GPR39: variants seen among roughly 807,000 people sequenced by gnomAD.
GPR39 encodes the protein zinc sensing receptor.
A neutral mutation model predicts 18.4 loss-of-function variants in GPR39; 23 were observed. The ratio of observed to expected loss-of-function variants is 1.25; its 90% CI spans 0.90 to 1.77. The LOEUF is 1.77. GPR39 is among the 40% of genes most tolerant of loss of function. The pLI is 0.00. For synonymous variants in GPR39, 280 were observed against 257.9 expected (o/e 1.09, Z -0.82); for missense variants, 647 against 602.4 (o/e 1.07, Z -0.78).
chr2:132,585,341 C>T lies in GPR39; in HGVS notation c.857-59760C>T, dbSNP rs144412017. 5.3e-3 allele frequency among the ~76,000 whole-genome samples: 808 copies of T among 152,282 alleles called. 3 individuals are homozygous for T. The highest frequency in any genetic ancestry group is 0.012 in the South Asian group (58 of 4,818). On this transcript the variant is annotated intron_variant, in intron 1 of 1. Coordinates refer to ENST00000329321, the MANE Select transcript of GPR39 (RefSeq NM_001508.3). ...CCCCTATTCTAGCTTCTGGACTCTC[C>T]TCAGGTCCTTGGAGAAGAGTCACCT...
intron 1 of GPR39, among the ~76,000 whole-genome samples, chr2:132,438,546 G>T (rs1680373712): frequency 7.2e-6 from 1 of 139,494 alleles, no homozygotes; most frequent in African/African-American, 2.7e-5. Context: ...TTTCTATATA[G>T]CTCATGATAC....
chr2:132,450,334 C>T (rs1390857005), intron 1 of GPR39, among the ~76,000 whole-genome samples: 1 of 152,254 alleles, frequency 6.6e-6, no homozygotes, highest in Non-Finnish European at 1.5e-5. Context: ...AGCTCCTCTC[C>T]TGGCTGTGCT....
chr2:132,612,448 G>T (rs766461410), intron 1 of GPR39, among the ~76,000 whole-genome samples: 1 of 152,122 alleles, frequency 6.6e-6, no homozygotes, highest in Non-Finnish European at 1.5e-5. Flanking sequence ...GCAAGACCAC[G>T]TTCTATGCTT....
intron 1 of GPR39, among the ~76,000 whole-genome samples, chr2:132,554,415 T>C (rs1273169206): frequency 6.6e-6 from 1 of 152,218 alleles, no homozygotes; most frequent in Non-Finnish European, 1.5e-5. Flanking sequence ...ATCTCACTTA[T>C]CTGCTTCAAA....
At chr2:132,617,977 G>T (rs551042131) in intron 1 of GPR39, among the ~76,000 whole-genome samples, 5 of 152,276 alleles carry the variant, frequency 3.3e-5, no homozygotes, top group Non-Finnish European at 7.4e-5. Context: ...TTGCTTCCCT[G>T]ATCTCCCTTT....
chr2:132,614,631 A>G (rs1171470525), intron 1 of GPR39, among the ~76,000 whole-genome samples: 1 of 151,284 alleles, frequency 6.6e-6, no homozygotes, highest in Non-Finnish European at 1.5e-5. Context: ...GCTCACTGCA[A>G]CCTCCACCTC....
intron 1 of GPR39, among the ~76,000 whole-genome samples, chr2:132,458,604 C>T (rs1680778315): frequency 6.6e-6 from 1 of 151,664 alleles, no homozygotes; most frequent in African/African-American, 2.4e-5. Flanking sequence ...TTTGCCATTA[C>T]TTTTCATATT....
chr2:132,523,884 A>G (rs1470386734), intron 1 of GPR39: 1 of 152,756 alleles, frequency 6.5e-6, no homozygotes, highest in African/African-American at 2.4e-5. Context: ...TGGAGTGCTC[A>G]GAACCTGGGG....
chr2:132,492,952 CACCATATATATACACCATATAT>C lies in GPR39; in HGVS notation c.856+75057_856+75078del, dbSNP rs1199392017. Reference sequence around the variant, plus strand: ...ACACCATATATACACACCATATATACACCATATATATACACCATATATACACCATATATACACCATAGATATA... The same window carrying C: ...ACACCATATATACACACCATATATACACACCATATATACACCATAGATATA... On this transcript the variant is annotated intron_variant, in intron 1 of 1. Transcript: ENST00000329321. 1.8e-3 allele frequency among the ~76,000 whole-genome samples: 252 copies of C among 142,238 alleles called. 1 individual carries two copies. Among genetic ancestry groups the C allele is most frequent in the African/African-American group, 6.1e-3 (239 of 38,984 alleles). 93.3% of individuals were successfully genotyped at this position (142,238 alleles called of 152,430 possible).
At chr2:132,417,932 CT>C in intron 1 of GPR39, 34 bp downstream of exon 1, 1 of 1,537,670 alleles carries the variant, frequency 6.5e-7, no homozygotes, top group Non-Finnish European at 8.7e-7. Flanking sequence ...ACGTGAGCAG[CT>C]TCCCAACCTT....
At position 132,645,271 on chromosome 2, in the gene GPR39, C is replaced by A; in HGVS notation, c.1027C>A (p.Leu343Met). Residue 343 changes from leucine to methionine, a missense_variant, in exon 2 of 2, where the codon CTG (leucine) becomes ATG (methionine). Transcript: ENST00000329321. ...CCTCAGCTCGGTCATCAACCCGCTC[C>A]TGTACACGGTGTCCTCGCAGCAGTT... ...FYLSSVINPLLYTVSSQQFRR... is the reference protein window; with the variant it reads ...FYLSSVINPLMYTVSSQQFRR... 6.2e-7 allele frequency: 1 copy of A among 1,614,228 alleles called. No homozygotes were observed.
At chr2:132,440,307 G>A (rs373208660) in intron 1 of GPR39, among the ~76,000 whole-genome samples, 2 of 152,250 alleles carry the variant, frequency 1.3e-5, no homozygotes, top group East Asian at 1.9e-4. Context: ...ACCATCTCTC[G>A]CCTGCCCTCA....
At chr2:132,452,902 C>G (rs545597121) in intron 1 of GPR39, among the ~76,000 whole-genome samples, 1 of 152,176 alleles carries the variant, frequency 6.6e-6, no homozygotes, top group Admixed American at 6.5e-5. Context: ...TGTGTTGGTT[C>G]TAAGTCTTTG....
intron 1 of GPR39, among the ~76,000 whole-genome samples, chr2:132,540,625 G>T (rs577035007): frequency 2.5e-4 from 38 of 152,228 alleles, no homozygotes; most frequent in Middle Eastern, 3.4e-3. Context: ...TTTTATTTCT[G>T]CATGTTAAAA....
intron 1 of GPR39, among the ~76,000 whole-genome samples, chr2:132,526,141 A>T (rs1389892287): frequency 2.0e-5 from 3 of 152,184 alleles, no homozygotes; most frequent in Admixed American, 6.5e-5. Flanking sequence ...TGAGTGTGAA[A>T]ATCCATGCCT....
At chr2:132,592,432 A>C (rs746407157) in intron 1 of GPR39, among the ~76,000 whole-genome samples, 2 of 152,200 alleles carry the variant, frequency 1.3e-5, no homozygotes, top group African/African-American at 2.4e-5. Flanking sequence ...GGTTGAGCAG[A>C]GTCAGGGAGA....
Position 132,645,152 on chromosome 2 carries a change from G to C in GPR39, c.908G>C (p.Arg303Thr). Residue 303 changes from arginine to threonine, a missense_variant, in exon 2 of 2, where the codon AGG becomes ACG. By Grantham distance (71) the Arg-to-Thr change is moderately conservative (BLOSUM62 -1). Around this residue, in one of 3 missense-constraint regions of GPR39, gnomAD observed 581 missense variants for 506.8 expected, o/e 1.15. Coordinates refer to ENST00000329321, the MANE Select transcript of GPR39 (RefSeq NM_001508.3). ...AVCWMPNQIR[R>T]IMAAAKPKHD... ...TGCTGGATGCCCAACCAGATTCGGA[G>C]GATCATGGCTGCGGCCAAACCCAAG... is the stretch of plus-strand genomic sequence containing the variant. 1 of 1,614,182 alleles carries C rather than the reference G, an allele frequency of 6.2e-7. No homozygotes were observed. Among genetic ancestry groups the C allele is most frequent in the East Asian group, 2.2e-5 (1 of 44,876 alleles).
intron 1 of GPR39, among the ~76,000 whole-genome samples, chr2:132,614,986 G>T (rs1358815261): frequency 6.6e-6 from 1 of 152,022 alleles, no homozygotes; most frequent in Non-Finnish European, 1.5e-5. Context: ...TTAAAGTTTG[G>T]TTTCCATCTG....
At chr2:132,581,180 C>T (rs1483842885) in intron 1 of GPR39, among the ~76,000 whole-genome samples, 1 of 151,968 alleles carries the variant, frequency 6.6e-6, no homozygotes, top group Non-Finnish European at 1.5e-5. Flanking sequence ...GACTTTCTTT[C>T]TGCGGGCTTT....
Sources: gnomAD v4.1 joint callset for allele counts (sites outside exome capture counted in the v4.1 genomes callset) on GRCh38, gnomAD v4.1.1 for gene constraint, gnomAD v4.1.1 regional missense constraint, MANE v1.5 for transcripts, NCBI Gene and HGNC (gene_info 2026-07-23, HGNC 2026-07-21) for gene names.